Variants in CDH4 observed in about 807,000 individuals in gnomAD.
CDH4 encodes cadherin 4.
Under a neutral mutation model 86.0 loss-of-function variants are expected in CDH4, and 33 were observed. That is an observed-to-expected ratio of 0.38 (90% CI 0.29 to 0.51). The LOEUF (loss-of-function observed/expected upper bound fraction) is 0.51, where lower values mean the gene tolerates loss of function less well. Among genes scored for constraint, CDH4 ranks in the 20% least tolerant of loss-of-function variants. CDH4 has a pLI of 0.86. For missense variants in CDH4, 1,114 were observed against 1,307.4 expected, an observed-to-expected ratio of 0.85 and a Z score of 2.28; for synonymous variants, 555 against 549.4, an observed-to-expected ratio of 1.01 and a Z score of -0.14.
chr20:61,634,534 TG>T (rs1038397234), intron 2 of CDH4, among the ~76,000 whole-genome samples: 31 of 152,264 alleles, frequency 2.0e-4, no homozygotes, highest in African/African-American at 7.5e-4. Flanking sequence ...CCTGGATCAT[TG>T]GGGGCTGGAG....
intron 8 of CDH4, 61 bp from the exon 9 acceptor site, chr20:61,910,361 C>T: frequency 6.8e-7 from 1 of 1,472,836 alleles, no homozygotes; most frequent in Non-Finnish European, 9.5e-7. Context: ...GCTACGTGCA[C>T]TTCTCTGTGC....
rs561682904 is a variant in CDH4, at chr20:61,516,920, G to A, written c.170-226643G>A. 2.0e-5 allele frequency among the ~76,000 whole-genome samples: 3 copies of A among 152,300 alleles called. No homozygotes were observed. Among genetic ancestry groups the A allele is most frequent in the Admixed American group, 1.3e-4 (2 of 15,300 alleles). On this transcript the variant is annotated intron_variant, in intron 2 of 15. Transcript: ENST00000614565. This position sits in a 1 kb window ranked among gnomAD's most constrained non-coding sequence, Gnocchi z 4.0. The stretch of plus-strand genomic sequence containing the variant: ...GCCTGTCAACTTTTCAACTCCTCCA[G>A]CGAGTCCTGTGTTTGTAACATGGGG...
chr20:61,565,696 G>A (rs930501330), intron 2 of CDH4, among the ~76,000 whole-genome samples: 16 of 152,174 alleles, frequency 1.1e-4, no homozygotes, highest in African/African-American at 3.6e-4. Context: ...TCACCCCTGA[G>A]AACAGAGTAA....
At position 61,296,296 on chromosome 20, in the gene CDH4, T is replaced by C. The variant is rs28703823; in HGVS notation, c.169+41359T>C. On this transcript the variant is annotated intron_variant, in intron 2 of 15. Transcript: ENST00000614565. ...GTGTGCGTGGGTGCGTGTGTGTGTG[T>C]GCGTGGGTGCGTGTGTGTGCATGCG... Among the ~76,000 whole-genome samples, 1,124 of 149,666 alleles carry C rather than the reference T, an allele frequency of 7.5e-3. 19 individuals are homozygous for C. Among genetic ancestry groups the C allele is most frequent in the African/African-American group, 0.026 (1,052 of 40,620 alleles).
chr20:61,734,956 G>A (rs898428651), intron 2 of CDH4, among the ~76,000 whole-genome samples: 1 of 151,722 alleles, frequency 6.6e-6, no homozygotes, highest in African/African-American at 2.4e-5. Flanking sequence ...TGCGCTGGGT[G>A]GGCCTCGGGC....
Position 61,282,303 on chromosome 20 carries a change from G to T in CDH4, c.169+27366G>T, listed in dbSNP as rs185698306. Among the ~76,000 whole-genome samples, 11 of 152,316 alleles carry T rather than the reference G, an allele frequency of 7.2e-5. No homozygotes were observed. The East Asian group carries it at 1.9e-3, about 27-fold the overall frequency. On this transcript the variant is annotated intron_variant, in intron 2 of 15. Coordinates refer to ENST00000614565, the MANE Select transcript of CDH4 (RefSeq NM_001794.5). Reference sequence around the variant, plus strand: ...GAACCTGGAAGACGGAGGTTTCAGTGAGCCAAGATTGCGCCACTGCACTCC... The same window carrying T: ...GAACCTGGAAGACGGAGGTTTCAGTTAGCCAAGATTGCGCCACTGCACTCC...
chr20:61,306,766 G>A (rs951803579), intron 2 of CDH4, among the ~76,000 whole-genome samples: 2 of 152,112 alleles, frequency 1.3e-5, no homozygotes, highest in South Asian at 4.2e-4. Flanking sequence ...ACTGGGGCAC[G>A]GTCCACTCTC....
intron 2 of CDH4, among the ~76,000 whole-genome samples, chr20:61,263,112 G>A (rs1239598081): frequency 6.6e-6 from 1 of 152,096 alleles, no homozygotes; most frequent in Non-Finnish European, 1.5e-5. Context: ...TTCCGTCAAG[G>A]GCGGTAAAGT....
intron 2 of CDH4, chr20:61,739,098 A>T (rs1443383151): frequency 6.6e-6 from 1 of 152,278 alleles, no homozygotes; most frequent in Admixed American, 6.5e-5. Context: ...AGACTAATAG[A>T]GAAATTGGGA....
chr20:61,866,606 C>T (rs1353221042), intron 6 of CDH4, among the ~76,000 whole-genome samples: 2 of 152,218 alleles, frequency 1.3e-5, no homozygotes, highest in Non-Finnish European at 2.9e-5. Flanking sequence ...GAAAGCCCAT[C>T]TGTGTTAAAG....
At chr20:61,828,023 C>T (rs991483360) in intron 4 of CDH4, among the ~76,000 whole-genome samples, 2 of 152,158 alleles carry the variant, frequency 1.3e-5, no homozygotes, top group East Asian at 3.8e-4. Context: ...TAAGCATTTT[C>T]CTGACATTTC....
chr20:61,351,151 G>T (rs2084709796), intron 2 of CDH4, among the ~76,000 whole-genome samples: 1 of 152,174 alleles, frequency 6.6e-6, no homozygotes, highest in South Asian at 2.1e-4. Context: ...TCAGGTGATG[G>T]CCATTTGCAG....
intron 13 of CDH4, 90 bp from the exon 14 acceptor site, chr20:61,932,895 G>A (rs1173654276): frequency 1.3e-6 from 2 of 1,520,216 alleles, no homozygotes; most frequent in South Asian, 1.3e-5. Context: ...CCACCTGCAT[G>A]TACATGCCCA....
At chr20:61,388,656 G>A (rs1355503205) in intron 2 of CDH4, among the ~76,000 whole-genome samples, 1 of 152,184 alleles carries the variant, frequency 6.6e-6, no homozygotes, top group African/African-American at 2.4e-5. Flanking sequence ...GGGGTACTCT[G>A]TATTGTGCTA....
intron 2 of CDH4, among the ~76,000 whole-genome samples, chr20:61,502,901 G>T (rs1300202888): frequency 2.6e-5 from 4 of 152,186 alleles, no homozygotes; most frequent in African/African-American, 9.7e-5. Flanking sequence ...CCTTGTGGTT[G>T]TTGGGGCAAT....
At chr20:61,687,065 C>T (rs73915326) in intron 2 of CDH4, among the ~76,000 whole-genome samples, 1,685 of 152,052 alleles carry the variant, frequency 0.011, 32 homozygotes, top group African/African-American at 0.037. Flanking sequence ...TTTCCAAGGA[C>T]GGTGGCAGGT....
Position 61,823,142 on chromosome 20 carries a change from A to T in CDH4, c.577-21526A>T, listed in dbSNP as rs1981130835. ...CCTTTTCTTTCTATTCAGGCCTTTG[A>T]CTGATTGGATGAGGCCCACTCACAC... On this transcript the variant is annotated intron_variant, in intron 4 of 15. Coordinates refer to ENST00000614565, the MANE Select transcript of CDH4 (RefSeq NM_001794.5). 3.3e-5 allele frequency among the ~76,000 whole-genome samples: 5 copies of T among 151,728 alleles called. No individual in the cohort carries two copies. The South Asian group carries it at 1.0e-3, about 32-fold the overall frequency.
intron 2 of CDH4, among the ~76,000 whole-genome samples, chr20:61,688,524 A>G (rs1413140337): frequency 6.6e-6 from 1 of 152,138 alleles, no homozygotes; most frequent in Non-Finnish European, 1.5e-5. Context: ...CCTGGACCGC[A>G]CTCTGGGCAG....
intron 2 of CDH4, among the ~76,000 whole-genome samples, chr20:61,426,345 C>T (rs77929573): frequency 0.015 from 2,274 of 152,222 alleles, 60 homozygotes; most frequent in African/African-American, 0.051. Context: ...ATGAATAATG[C>T]TCACACCTGA....
Sources: allele counts gnomAD v4.1 joint callset (sites outside exome capture counted in the v4.1 genomes callset), GRCh38; gene constraint gnomAD v4.1.1; non-coding constraint Gnocchi (gnomAD v3.1); transcripts MANE v1.5; gene names NCBI Gene and HGNC (gene_info 2026-07-23, HGNC 2026-07-21).